The following NKAIN3 variants were observed in gnomAD, a reference collection of about 807,000 sequenced individuals.
NKAIN3 encodes the protein sodium/potassium-transporting ATPase subunit beta-1-interacting protein 3.
In NKAIN3, 25 loss-of-function variants were observed where a neutral mutation model predicts 30.2. The observed-to-expected ratio is 0.83, with a 90% CI of 0.60 to 1.16. The LOEUF is 1.16. Among genes scored for constraint, NKAIN3 ranks in the 50% most tolerant of loss-of-function variants. The pLI is 0.00. For missense variants in NKAIN3, 225 were observed against 254.1 expected (o/e 0.89, Z 0.78); for synonymous variants, 91 against 89.6 (o/e 1.02, Z -0.09).
chr8:62,678,287 G>A (rs1813541049), intron 3 of NKAIN3, among the ~76,000 whole-genome samples: 1 of 152,088 alleles, frequency 6.6e-6, no homozygotes, highest in Admixed American at 6.5e-5. Context: ...TTCTCTAATA[G>A]GCTGTAAGAA....
chr8:62,955,880 C>A (rs2130899232), intron 6 of NKAIN3, among the ~76,000 whole-genome samples: 1 of 152,314 alleles, frequency 6.6e-6, no homozygotes, highest in South Asian at 2.1e-4. Context: ...TCACTGCTGA[C>A]CTAGCAGTGG....
intron 4 of NKAIN3, among the ~76,000 whole-genome samples, chr8:62,847,894 T>C (rs1819740379): frequency 6.6e-6 from 1 of 152,220 alleles, no homozygotes; most frequent in African/African-American, 2.4e-5. Context: ...ATTTTCTGCA[T>C]ATGGCTAACC....
chr8:62,605,795 T>A (rs914819418), intron 3 of NKAIN3, among the ~76,000 whole-genome samples: 6 of 152,078 alleles, frequency 3.9e-5, no homozygotes, highest in African/African-American at 1.4e-4. Context: ...CCCTCAGATT[T>A]TGGTGTCTGC....
At chr8:62,438,205 C>T (rs183855926) in intron 1 of NKAIN3, among the ~76,000 whole-genome samples, 101 of 152,294 alleles carry the variant, frequency 6.6e-4, no homozygotes, top group Non-Finnish European at 1.2e-3. Context: ...TCCTATCAGC[C>T]TCTTGTCTGT....
intron 3 of NKAIN3, among the ~76,000 whole-genome samples, chr8:62,672,470 C>T (rs2130390577): frequency 6.6e-6 from 1 of 152,314 alleles, no homozygotes; most frequent in African/African-American, 2.4e-5. Context: ...TGACTAGATA[C>T]TTGCCAGCTA....
At chr8:62,519,023 GTA>G (rs375662633) in intron 1 of NKAIN3, among the ~76,000 whole-genome samples, 9,759 of 152,034 alleles carry the variant, frequency 0.064, 958 homozygotes, top group African/African-American at 0.22. Flanking sequence ...TTCCCTAAGG[GTA>G]AAATAAATGC....
intron 1 of NKAIN3, among the ~76,000 whole-genome samples, chr8:62,429,926 C>A (rs760744228): frequency 6.6e-6 from 1 of 151,864 alleles, no homozygotes; most frequent in Non-Finnish European, 1.5e-5. Context: ...GCCACCATCA[C>A]CACCATCCGT....
intron 4 of NKAIN3, among the ~76,000 whole-genome samples, chr8:62,867,879 G>A (rs530648604): frequency 1.6e-4 from 25 of 152,306 alleles, no homozygotes; most frequent in African/African-American, 5.5e-4. Flanking sequence ...TGTTTTATGT[G>A]TATGAGTATA....
chr8:62,911,818 G>T (rs542242384), intron 4 of NKAIN3, among the ~76,000 whole-genome samples: 47 of 152,150 alleles, frequency 3.1e-4, no homozygotes, highest in African/African-American at 1.1e-3. Flanking sequence ...TGTATCAAAA[G>T]GTGTACACAG....
intron 5 of NKAIN3, among the ~76,000 whole-genome samples, chr8:62,922,213 C>T (rs1466063992): frequency 6.6e-6 from 1 of 152,156 alleles, no homozygotes; most frequent in Non-Finnish European, 1.5e-5. Context: ...GGAAGCGTAA[C>T]TATCGGAAAA....
intron 1 of NKAIN3, among the ~76,000 whole-genome samples, chr8:62,479,333 C>A (rs1287152505): frequency 6.6e-6 from 1 of 152,082 alleles, no homozygotes. Context: ...CCTAAGCAAC[C>A]CAGCAAGAAT....
chr8:62,679,209 T>G (rs1813574737), intron 3 of NKAIN3, among the ~76,000 whole-genome samples: 1 of 152,182 alleles, frequency 6.6e-6, no homozygotes, highest in Non-Finnish European at 1.5e-5. Context: ...AAGAGTAGAT[T>G]TGAGGATTCA....
At chr8:62,646,138 G>GAAAAAAAAAAAA (rs75073790) in intron 3 of NKAIN3, among the ~76,000 whole-genome samples, 1 of 116,190 alleles carries the variant, frequency 8.6e-6, no homozygotes, top group African/African-American at 3.0e-5. Context: ...CCTCATTCTG[G>GAAAAAAAAAAAA]AAAAAAAAAA....
At chr8:62,504,777 A>G (rs1030079242) in intron 1 of NKAIN3, among the ~76,000 whole-genome samples, 4 of 152,098 alleles carry the variant, frequency 2.6e-5, no homozygotes, top group Non-Finnish European at 4.4e-5. Context: ...TTAGCTGTCA[A>G]TCTCCCTTAC....
rs80050450 is a variant in NKAIN3 at position 62,881,460 on chromosome 8, C to A, written c.472-36993C>A. Among the ~76,000 whole-genome samples, 1,017 of 152,230 alleles carry A rather than the reference C, an allele frequency of 6.7e-3. 17 individuals carry two copies. The highest frequency in any genetic ancestry group is 0.023 in the African/African-American group (952 of 41,526). ...CTCCATGTCTTTTTACTACTCAACT[C>A]CAAGATTTGGCATAAAACTACAGTG... On this transcript the variant is annotated intron_variant, in intron 4 of 6. Transcript: ENST00000623646.
chr8:62,447,964 T>A (rs1185366571), intron 1 of NKAIN3, among the ~76,000 whole-genome samples: 15 of 151,934 alleles, frequency 9.9e-5, no homozygotes, highest in African/African-American at 3.1e-4. Flanking sequence ...CTTTGTTTGT[T>A]GGGGGAATAG....
At chr8:62,263,796 AT>A (rs1461776451) in intron 1 of NKAIN3, among the ~76,000 whole-genome samples, 1 of 152,184 alleles carries the variant, frequency 6.6e-6, no homozygotes, top group African/African-American at 2.4e-5. Flanking sequence ...TTTTGGACTT[AT>A]TTTCCATTCA....
chr8:62,289,512 T>C (rs1415737974), intron 1 of NKAIN3, among the ~76,000 whole-genome samples: 2 of 152,192 alleles, frequency 1.3e-5, no homozygotes, highest in Non-Finnish European at 2.9e-5. Context: ...CCTTTACCCA[T>C]TTCTTGTTTT....
At chr8:62,697,914 T>A (rs1814217752) in intron 3 of NKAIN3, among the ~76,000 whole-genome samples, 5 of 152,052 alleles carry the variant, frequency 3.3e-5, no homozygotes, top group Admixed American at 2.6e-4. Context: ...CAACTGAAAA[T>A]AAGATGAAAA....
Sources: gnomAD v4.1 joint callset for allele counts (sites outside exome capture counted in the v4.1 genomes callset) on GRCh38, gnomAD v4.1.1 for gene constraint, MANE v1.5 for transcripts, NCBI Gene and HGNC (gene_info 2026-07-23, HGNC 2026-07-21) for gene names.